FAAH2: variants seen among roughly 807,000 people sequenced by gnomAD.
FAAH2 encodes fatty acid amide hydrolase 2, also known as fatty-acid amide hydrolase 2.
A neutral mutation model predicts 36.9 loss-of-function variants in FAAH2; 60 were observed. The observed-to-expected ratio is 1.63, with a 90% CI of 1.32 to 2.02. The LOEUF (loss-of-function observed/expected upper bound fraction) is 2.02. Among genes scored for constraint, FAAH2 ranks in the 30% most tolerant of loss-of-function variants. The probability of loss-of-function intolerance (pLI) is 0.00; values close to 1 mark genes in which losing one functional copy is unlikely to be tolerated. For missense variants in FAAH2, 689 were observed against 397.5 expected, an observed-to-expected ratio of 1.73 and a Z score of -6.23; for synonymous variants, 214 against 143.8, an observed-to-expected ratio of 1.49 and a Z score of -3.49.
intron 10 of FAAH2, among the ~76,000 whole-genome samples, chrX:57,484,024 C>T (rs748211806): frequency 1.1e-4 from 12 of 109,570 alleles, no homozygotes; most frequent in Admixed American, 2.9e-4. Context: ...AGGCTGGTCT[C>T]GAACTCCTGA....
At chrX:57,352,148 G>GTGTATATATATA (rs2054039172) in intron 5 of FAAH2, among the ~76,000 whole-genome samples, 10 of 72,987 alleles carry the variant, frequency 1.4e-4, no homozygotes, top group Admixed American at 8.4e-4. Flanking sequence ...GTATATATAT[G>GTGTATATATATA]CACATATATA....
At chrX:57,266,282 C>G in the FAAH2 span, among the ~76,000 whole-genome samples, 2 of 111,925 alleles carry the variant, frequency 1.8e-5, no homozygotes, top group East Asian at 5.7e-4. Context: ...TGTTGTTTGG[C>G]AGCCTTAACT....
the FAAH2 span, among the ~76,000 whole-genome samples, chrX:57,256,943 T>A: frequency 6.2e-5 from 7 of 112,078 alleles, no homozygotes; most frequent in African/African-American, 2.3e-4. Context: ...TATGAAAAAA[T>A]GCTCATCATC....
chrX:57,240,819 C>T, the FAAH2 span, among the ~76,000 whole-genome samples: 16 of 112,221 alleles, frequency 1.4e-4, no homozygotes, highest in Middle Eastern at 0.014. Flanking sequence ...CTCAGTTGGG[C>T]ATCTGAGTCT....
chrX:57,208,415 C>T, the FAAH2 span, among the ~76,000 whole-genome samples: 1 of 112,133 alleles, frequency 8.9e-6, no homozygotes, highest in Non-Finnish European at 1.9e-5. Context: ...TGCTTCTGAG[C>T]TCCCCTTCTT....
At chrX:57,352,174 A>G (rs930386459) in intron 5 of FAAH2, among the ~76,000 whole-genome samples, 4 of 92,421 alleles carry the variant, frequency 4.3e-5, no homozygotes, top group Non-Finnish European at 8.6e-5. Context: ...ATATATATAT[A>G]TGCCAATATT....
the FAAH2 span, among the ~76,000 whole-genome samples, chrX:57,216,532 A>ATATATATATGTATATG: frequency 1.5e-5 from 1 of 67,923 alleles, no homozygotes; most frequent in African/African-American, 7.6e-5. Flanking sequence ...ATATGTATAT[A>ATATATATATGTATATG]TATATATATA....
At chrX:57,155,882 C>T in the FAAH2 span, among the ~76,000 whole-genome samples, 4 of 111,746 alleles carry the variant, frequency 3.6e-5, no homozygotes, top group East Asian at 8.5e-4. Flanking sequence ...GTATTTCACT[C>T]GGCTCTATAA....
chrX:57,442,414 A>T (rs187687468), intron 8 of FAAH2, among the ~76,000 whole-genome samples: 34 of 111,204 alleles, frequency 3.1e-4, no homozygotes, highest in East Asian at 2.8e-3. Context: ...CTGTTTTATC[A>T]GAGACTAGGA....
the FAAH2 span, among the ~76,000 whole-genome samples, chrX:57,197,273 G>C: frequency 9.0e-6 from 1 of 111,075 alleles, no homozygotes; most frequent in Non-Finnish European, 1.9e-5. Flanking sequence ...ATCCTTATCT[G>C]TATTATTTGT....
the FAAH2 span, among the ~76,000 whole-genome samples, chrX:57,255,958 T>A: frequency 3.6e-5 from 4 of 111,661 alleles, no homozygotes; most frequent in Non-Finnish European, 7.5e-5. Flanking sequence ...ATAAAGGGTA[T>A]CCAAATAAAA....
chrX:57,315,026 C>T (rs2052797251), intron 3 of FAAH2, among the ~76,000 whole-genome samples: 1 of 110,419 alleles, frequency 9.1e-6, no homozygotes, highest in Non-Finnish European at 1.9e-5. Context: ...AGACTGCTAC[C>T]TAGATTAAAA....
At chrX:57,140,585 C>T in the FAAH2 span, among the ~76,000 whole-genome samples, 13 of 78,661 alleles carry the variant, frequency 1.7e-4, no homozygotes, top group South Asian at 6.9e-4. Flanking sequence ...GGCAACAGAG[C>T]GAGACCCCGT....
the FAAH2 span, among the ~76,000 whole-genome samples, chrX:57,231,066 T>TGTGTGG: frequency 9.2e-6 from 1 of 108,410 alleles, no homozygotes; most frequent in African/African-American, 3.4e-5. Flanking sequence ...TGTGTGTGTG[T>TGTGTGG]GAGTGTGTGT....
At chrX:57,428,106 A>G (rs978410184) in intron 7 of FAAH2, among the ~76,000 whole-genome samples, 2 of 111,989 alleles carry the variant, frequency 1.8e-5, no homozygotes, top group Non-Finnish European at 3.8e-5. Flanking sequence ...GTAATAATCA[A>G]GCTTAGAACC....
chrX:57,385,753 A>C (rs1262357654), intron 7 of FAAH2, among the ~76,000 whole-genome samples: 1 of 110,635 alleles, frequency 9.0e-6, no homozygotes, highest in Non-Finnish European at 1.9e-5. Context: ...AACAAAATAC[A>C]AAAAATTAGC....
the FAAH2 span, among the ~76,000 whole-genome samples, chrX:57,269,648 G>A: frequency 9.0e-6 from 1 of 111,549 alleles, no homozygotes; most frequent in Non-Finnish European, 1.9e-5. Flanking sequence ...ATGAAATTAA[G>A]GGAGAAATCA....
At chrX:57,484,194 T>G (rs762534543) in intron 10 of FAAH2, among the ~76,000 whole-genome samples, 23 of 110,870 alleles carry the variant, frequency 2.1e-4, no homozygotes, top group Non-Finnish European at 3.8e-4. Context: ...CACAAGAAGA[T>G]GGGTATTTCA....
intron 10 of FAAH2, among the ~76,000 whole-genome samples, chrX:57,468,344 G>A (rs1043641160): frequency 2.7e-5 from 3 of 111,364 alleles, no homozygotes; most frequent in African/African-American, 9.8e-5. Flanking sequence ...AGTTAAAAAC[G>A]TTGAAAAAAG....
Sources: allele counts gnomAD v4.1 joint callset (sites outside exome capture counted in the v4.1 genomes callset), GRCh38; gene constraint gnomAD v4.1.1; transcripts MANE v1.5; gene names NCBI Gene and HGNC (gene_info 2026-07-23, HGNC 2026-07-21).